Variants in PLCB1 observed in about 807,000 individuals in gnomAD.
PLCB1 encodes the protein 1-phosphatidylinositol 4,5-bisphosphate phosphodiesterase beta-1.
A neutral mutation model predicts 161.8 loss-of-function variants in PLCB1; 46 were observed. The ratio of observed to expected loss-of-function variants is 0.28; its 90% confidence interval spans 0.22 to 0.36. The LOEUF (loss-of-function observed/expected upper bound fraction) is 0.36. PLCB1 is among the 10% of genes least tolerant of loss of function. The probability of loss-of-function intolerance (pLI) is 1.00; values close to 1 mark genes in which losing one functional copy is unlikely to be tolerated. For missense variants in PLCB1, 1,016 were observed against 1,472.5 expected (o/e 0.69, Z 5.07); for synonymous variants, 517 against 503.7 (o/e 1.03, Z -0.35).
At chr20:8,716,420 C>G in intron 13 of PLCB1, 72 bp downstream of exon 13, 1 of 1,062,558 alleles carries the variant, frequency 9.4e-7, no homozygotes, top group East Asian at 2.4e-5. Flanking sequence ...GGAAAACTTA[C>G]TTCCTTTTCA....
chr20:8,306,607 G>C (rs1984148174), intron 2 of PLCB1, among the ~76,000 whole-genome samples: 1 of 152,206 alleles, frequency 6.6e-6, no homozygotes, highest in African/African-American at 2.4e-5. Flanking sequence ...TGTCTGTAAT[G>C]CGAATAGCCT....
At chr20:8,734,014 G>A (rs1193612511) in intron 19 of PLCB1, among the ~76,000 whole-genome samples, 3 of 148,840 alleles carry the variant, frequency 2.0e-5, no homozygotes, top group Admixed American at 1.3e-4. Context: ...TGTAGTGCCA[G>A]CTACTCAAGA....
chr20:8,246,422 T>C (rs895364926), intron 2 of PLCB1, among the ~76,000 whole-genome samples: 7 of 151,948 alleles, frequency 4.6e-5, no homozygotes, highest in Non-Finnish European at 8.8e-5. Flanking sequence ...TATGCACATG[T>C]AGGGGTATGG....
intron 3 of PLCB1, among the ~76,000 whole-genome samples, chr20:8,564,173 G>A (rs1986246088): frequency 6.6e-6 from 1 of 151,942 alleles, no homozygotes; most frequent in Non-Finnish European, 1.5e-5. Context: ...CAGAACAGAG[G>A]CCTCAGAAAT....
At chr20:8,801,992 C>A (rs1984303087) in intron 31 of PLCB1, 2 of 956,682 alleles carry the variant, frequency 2.1e-6, no homozygotes, top group African/African-American at 1.6e-5. Flanking sequence ...ATTGGAAACA[C>A]CAGATGACTT....
intron 2 of PLCB1, among the ~76,000 whole-genome samples, chr20:8,186,892 T>C (rs1435395888): frequency 2.6e-5 from 4 of 151,808 alleles, no homozygotes; most frequent in African/African-American, 9.7e-5. Flanking sequence ...GTTAGAGGAG[T>C]CCCATATCTC....
At chr20:8,594,973 C>A (rs753228508) in intron 3 of PLCB1, among the ~76,000 whole-genome samples, 4 of 151,984 alleles carry the variant, frequency 2.6e-5, no homozygotes, top group Non-Finnish European at 2.9e-5. Flanking sequence ...CACCGAGGTG[C>A]CTTTTTAAAG....
chr20:8,799,434 C>A (rs1984183372), intron 31 of PLCB1, among the ~76,000 whole-genome samples: 1 of 152,158 alleles, frequency 6.6e-6, no homozygotes, highest in Non-Finnish European at 1.5e-5. Flanking sequence ...TCCACTTCTA[C>A]TTCTGTGTGC....
Position 8,345,675 on chromosome 20 carries a change from C to T in PLCB1, c.178-25707C>T, listed in dbSNP as rs1039384987. On this transcript the variant is annotated intron_variant, in intron 2 of 31. Transcript: ENST00000338037. The stretch of plus-strand genomic sequence containing the variant: ...ATATTCCTAGACTTTGCCAAATGCC[C>T]GGGACTGGAGAAAGGGCAAGGTGGA... 4.6e-4 allele frequency among the ~76,000 whole-genome samples: 70 copies of T among 152,200 alleles called. 1 individual carries two copies. The highest frequency in any genetic ancestry group is 3.4e-3 in the Middle Eastern group (1 of 294).
chr20:8,532,118 G>A (rs576261329), intron 3 of PLCB1, among the ~76,000 whole-genome samples: 3 of 151,978 alleles, frequency 2.0e-5, no homozygotes, highest in African/African-American at 7.3e-5. Flanking sequence ...TCTAAAATTA[G>A]TGTCTTATTT....
Position 8,324,575 on chromosome 20 carries a change from G to A in PLCB1, c.178-46807G>A, listed in dbSNP as rs148501942. Among the ~76,000 whole-genome samples the A allele has an allele frequency of 5.3e-5, 8 of 152,052 alleles. No individual in the cohort carries two copies. The South Asian group carries it at 8.3e-4, about 16-fold the overall frequency. On this transcript the variant is annotated intron_variant, in intron 2 of 31. Transcript: ENST00000338037. ...TTAATTGGCAGCTCTTCTCTGATACGGGGACTCCAAGGGTCCTTGGAACCT... is the reference window on the plus strand; with the variant it reads ...TTAATTGGCAGCTCTTCTCTGATACAGGGACTCCAAGGGTCCTTGGAACCT...
intron 2 of PLCB1, among the ~76,000 whole-genome samples, chr20:8,172,532 C>T (rs958163254): frequency 1.3e-5 from 2 of 151,970 alleles, no homozygotes; most frequent in Admixed American, 6.6e-5. Flanking sequence ...AAGACAAGGG[C>T]GAATTATATT....
chr20:8,376,335 T>C (rs548726024), intron 3 of PLCB1, among the ~76,000 whole-genome samples: 2 of 152,176 alleles, frequency 1.3e-5, no homozygotes, highest in Non-Finnish European at 2.9e-5. Flanking sequence ...AAATTCTAGG[T>C]TGTATGTAGT....
At chr20:8,507,543 G>A (rs1409963085) in intron 3 of PLCB1, among the ~76,000 whole-genome samples, 1 of 152,100 alleles carries the variant, frequency 6.6e-6, no homozygotes, top group African/African-American at 2.4e-5. Context: ...TAAGGCGTAT[G>A]TTTTCTCCAT....
At chr20:8,148,168 ATGTG>A (rs943486834) in intron 1 of PLCB1, among the ~76,000 whole-genome samples, 68 of 152,288 alleles carry the variant, frequency 4.5e-4, no homozygotes, top group African/African-American at 1.6e-3. Flanking sequence ...AGAAGTGGGA[ATGTG>A]TGCTGTGTGC....
At chr20:8,340,367 C>T (rs1306964249) in intron 2 of PLCB1, among the ~76,000 whole-genome samples, 1 of 152,120 alleles carries the variant, frequency 6.6e-6, no homozygotes, top group Non-Finnish European at 1.5e-5. Flanking sequence ...TAAAAATAGA[C>T]CTCTATTATG....
chr20:8,600,813 T>C (rs1472908629), intron 3 of PLCB1: 2 of 152,040 alleles, frequency 1.3e-5, no homozygotes, highest in Admixed American at 1.3e-4. Context: ...TGCGCCGTTT[T>C]TTAAGCCCGT....
chr20:8,375,942 CCAAA>C (rs1987062065), intron 3 of PLCB1, among the ~76,000 whole-genome samples: 1 of 71,656 alleles, frequency 1.4e-5, no homozygotes. Context: ...ACCAAGTGAA[CCAAA>C]AAAAAAAAAA....
chr20:8,512,818 A>T (rs761966723), intron 3 of PLCB1, among the ~76,000 whole-genome samples: 1 of 152,132 alleles, frequency 6.6e-6, no homozygotes, highest in Non-Finnish European at 1.5e-5. Flanking sequence ...TTTCAAATTC[A>T]TTCTCTTAGC....
Sources: gnomAD v4.1 joint callset for allele counts (sites outside exome capture counted in the v4.1 genomes callset) on GRCh38, gnomAD v4.1.1 for gene constraint, MANE v1.5 for transcripts, NCBI Gene and HGNC (gene_info 2026-07-23, HGNC 2026-07-21) for gene names.